The following STARD13 variants were observed in gnomAD, a reference collection of about 807,000 sequenced individuals.
The protein encoded by STARD13 is StAR related lipid transfer domain containing 13, also known as stAR-related lipid transfer protein 13.
STARD13 carries 62 observed loss-of-function variants against 106.4 expected under a neutral mutation model. The ratio of observed to expected loss-of-function variants is 0.58; its 90% CI spans 0.48 to 0.72. The LOEUF is 0.72. STARD13 is among the 30% of genes least tolerant of loss of function. The pLI is 0.00. For synonymous variants in STARD13, 565 were observed against 553.0 expected (o/e 1.02, Z -0.31); for missense variants, 1,387 against 1,424.0 (o/e 0.97, Z 0.42).
chr13:33,664,770 G>A, the STARD13 span, among the ~76,000 whole-genome samples: 2 of 152,124 alleles, frequency 1.3e-5, no homozygotes, highest in East Asian at 3.9e-4. Context: ...GGGACTACAG[G>A]CCCCCGCCAC....
chr13:33,460,818 T>C, the STARD13 span, among the ~76,000 whole-genome samples: 3 of 152,228 alleles, frequency 2.0e-5, no homozygotes, highest in African/African-American at 7.2e-5. Context: ...TTTAAAGCTA[T>C]ATTATCATTT....
chr13:33,511,811 T>C, the STARD13 span, among the ~76,000 whole-genome samples: 1 of 152,274 alleles, frequency 6.6e-6, no homozygotes, highest in South Asian at 2.1e-4. Flanking sequence ...TTAGGAGAGA[T>C]TACTTGCTTC....
the STARD13 span, among the ~76,000 whole-genome samples, chr13:33,674,154 C>T: frequency 6.6e-6 from 1 of 152,226 alleles, no homozygotes; most frequent in Admixed American, 6.5e-5. Context: ...GCCACCGCAC[C>T]AGGCCAGAAT....
chr13:33,205,998 G>A lies in STARD13; in HGVS notation c.170-38376C>T, dbSNP rs896475688. ...AATATTTCCTCTGTGCTTGGCTGTT[G>A]TCTGTGAGACTGGTCCACATCATTC... On this transcript the variant is annotated intron_variant, in intron 1 of 13. Coordinates refer to ENST00000336934, the MANE Select transcript of STARD13 (RefSeq NM_178006.4). 4.1e-6 allele frequency: 4 copies of A among 985,248 alleles called. No individual in the cohort carries two copies. In the African/African-American group the frequency reaches 7.0e-5, roughly 17 times the overall value. 61.0% of individuals were successfully genotyped at this position (985,248 alleles called of 1,614,324 possible).
rs369314748 is a variant in STARD13 at position 33,129,295 on chromosome 13, T to C, written c.1382A>G (p.Asn461Ser). 3.1e-6 allele frequency: 5 copies of C among 1,614,018 alleles called. No homozygotes were observed. The highest frequency in any genetic ancestry group is 4.2e-6 in the Non-Finnish European group (5 of 1,180,026). ...HRASRVSIYDNVPGSHLYAST... is the reference protein window; with the variant it reads ...HRASRVSIYDSVPGSHLYAST... ...GGCATACAGATGGGAGCCAGGGACA[T>C]TGTCATAGATACTGACTCGGCTGGC... The change falls in exon 5 of 14, where the codon AAT becomes AGT. Residue 461 changes from asparagine to serine, a missense_variant. By Grantham distance (46) the Asn-to-Ser change is conservative. Transcript: ENST00000336934.
chr13:33,505,606 A>T, the STARD13 span, among the ~76,000 whole-genome samples: 1 of 152,186 alleles, frequency 6.6e-6, no homozygotes, highest in Non-Finnish European at 1.5e-5. Flanking sequence ...AAATCTGCCG[A>T]AGAGCAATGT....
the STARD13 span, among the ~76,000 whole-genome samples, chr13:33,370,773 C>T: frequency 6.6e-6 from 1 of 151,768 alleles, no homozygotes; most frequent in African/African-American, 2.4e-5. Context: ...TGCCCACCAC[C>T]ATGTCTGGCT....
At chr13:33,410,921 G>A in the STARD13 span, among the ~76,000 whole-genome samples, 6 of 152,254 alleles carry the variant, frequency 3.9e-5, 1 homozygote, top group East Asian at 7.7e-4. Context: ...TCATTATAAT[G>A]TCTAGAAATT....
chr13:33,635,309 C>T, the STARD13 span, among the ~76,000 whole-genome samples: 1 of 152,074 alleles, frequency 6.6e-6, no homozygotes, highest in South Asian at 2.1e-4. Flanking sequence ...GATTTAGTTT[C>T]CCTAATAAAT....
At chr13:33,412,705 A>C in the STARD13 span, among the ~76,000 whole-genome samples, 1 of 152,342 alleles carries the variant, frequency 6.6e-6, no homozygotes, top group South Asian at 2.1e-4. Context: ...TGACAAAAAA[A>C]TGACGAGAGT....
the STARD13 span, among the ~76,000 whole-genome samples, chr13:33,364,078 G>T: frequency 6.6e-6 from 1 of 152,094 alleles, no homozygotes; most frequent in Non-Finnish European, 1.5e-5. Flanking sequence ...TGGAATATTT[G>T]ATCAAGCTGA....
At chr13:33,297,132 T>A (rs1401363820) in intron 1 of STARD13, among the ~76,000 whole-genome samples, 1 of 152,252 alleles carries the variant, frequency 6.6e-6, no homozygotes, top group Admixed American at 6.5e-5. Flanking sequence ...CATTTATCTT[T>A]ACAGCGTGAT....
the STARD13 span, among the ~76,000 whole-genome samples, chr13:33,532,496 G>A: frequency 0.023 from 3,530 of 152,130 alleles, 84 homozygotes; most frequent in Non-Finnish European, 0.028. Context: ...AAGTTTTCTT[G>A]AATAATAATT....
the STARD13 span, among the ~76,000 whole-genome samples, chr13:33,665,245 G>A: frequency 1.3e-5 from 2 of 152,116 alleles, no homozygotes; most frequent in African/African-American, 4.8e-5. Context: ...ATCCCTTGAC[G>A]TTTTATGCAA....
intron 1 of STARD13, among the ~76,000 whole-genome samples, chr13:33,244,920 T>C (rs1889745784): frequency 6.6e-6 from 1 of 152,232 alleles, no homozygotes; most frequent in Non-Finnish European, 1.5e-5. Context: ...TCGGTTGTCA[T>C]GTAGCAATAG....
At chr13:33,365,627 G>A in the STARD13 span, among the ~76,000 whole-genome samples, 2 of 152,206 alleles carry the variant, frequency 1.3e-5, no homozygotes, top group African/African-American at 4.8e-5. Context: ...AAAGGGCTTT[G>A]TGGATGAATA....
In STARD13 at chr13:33,129,813, C is replaced by T. The variant is rs536668622; in HGVS notation, c.864G>A (p.Gly288=). 16 of 1,613,418 alleles carry T rather than the reference C, an allele frequency of 9.9e-6. No individual in the cohort carries two copies. The African/African-American group carries it at 1.5e-4, about 15-fold the overall frequency. Residue 288 remains glycine, a synonymous_variant, in exon 5 of 14, where the codon GGG becomes GGA. Coordinates refer to ENST00000336934, the MANE Select transcript of STARD13 (RefSeq NM_178006.4). ...ACTCTGGCTCCTGCTGCAACATGGG[C>T]CCACTGATCACCAGGCCACCTGTCC... ...SGRTGGLVIS[G]PMLQQEPESF...
chr13:33,574,314 A>C, the STARD13 span, among the ~76,000 whole-genome samples: 166 of 152,354 alleles, frequency 1.1e-3, no homozygotes, highest in Non-Finnish European at 2.0e-3. Context: ...GAACACAGTA[A>C]GTGAAAGTAT....
At chr13:33,444,317 A>G in the STARD13 span, among the ~76,000 whole-genome samples, 1 of 152,322 alleles carries the variant, frequency 6.6e-6, no homozygotes, top group Non-Finnish European at 1.5e-5. Context: ...TGGATAATTC[A>G]TGGATAACTA....
Sources: gnomAD v4.1 joint callset for allele counts (sites outside exome capture counted in the v4.1 genomes callset) on GRCh38, gnomAD v4.1.1 for gene constraint, MANE v1.5 for transcripts, NCBI Gene and HGNC (gene_info 2026-07-23, HGNC 2026-07-21) for gene names.